EFNA5: variants seen among roughly 807,000 people sequenced by gnomAD.
EFNA5 encodes the protein ephrin-A5.
EFNA5 carries 5 observed loss-of-function variants against 22.9 expected under a neutral mutation model. The observed-to-expected ratio is 0.22, with a 90% CI of 0.11 to 0.46. The LOEUF is 0.46. EFNA5 is among the 20% of genes least tolerant of loss of function. The probability of loss-of-function intolerance (pLI) is 0.99; values close to 1 mark genes in which losing one functional copy is unlikely to be tolerated. For synonymous variants in EFNA5, 113 were observed against 112.2 expected, an observed-to-expected ratio of 1.01 and a Z score of -0.04; for missense variants, 237 against 293.3, an observed-to-expected ratio of 0.81 and a Z score of 1.40.
chr5:107,465,298 G>T (rs957557403), intron 1 of EFNA5, among the ~76,000 whole-genome samples: 1 of 152,092 alleles, frequency 6.6e-6, no homozygotes, highest in Non-Finnish European at 1.5e-5. Context: ...TAAAGATAAT[G>T]GGTGACGGTT....
intron 1 of EFNA5, among the ~76,000 whole-genome samples, chr5:107,669,644 G>A (rs1751145259): frequency 6.6e-6 from 1 of 152,136 alleles, no homozygotes; most frequent in African/African-American, 2.4e-5. Context: ...CCGCATACCC[G>A]GCGGGCTTCG....
At chr5:107,549,761 G>A (rs746276663) in intron 1 of EFNA5, among the ~76,000 whole-genome samples, 2 of 152,262 alleles carry the variant, frequency 1.3e-5, no homozygotes, top group Non-Finnish European at 2.9e-5. Flanking sequence ...GCAGTGGCCT[G>A]GGCCTTGTCC....
In EFNA5 at chr5:107,390,995, C is replaced by A. The variant is rs369822997; in HGVS notation, c.419-3224G>T. Among the ~76,000 whole-genome samples, 3 of 152,032 alleles carry A rather than the reference C, an allele frequency of 2.0e-5. No individual in the cohort carries two copies. In the East Asian group the frequency reaches 5.8e-4, roughly 30 times the overall value. ...CCAACTTGGCAAAACCCTGTCTCTA[C>A]GAAAAATGCAAAAATTAGCTGGGCA... On this transcript the variant is annotated intron_variant, in intron 2 of 4. Coordinates refer to ENST00000333274, the MANE Select transcript of EFNA5 (RefSeq NM_001962.3).
At chr5:107,568,660 C>CA (rs1327297519) in intron 1 of EFNA5, among the ~76,000 whole-genome samples, 1 of 152,158 alleles carries the variant, frequency 6.6e-6, no homozygotes, top group Non-Finnish European at 1.5e-5. Flanking sequence ...ACTTTCTAGA[C>CA]AGAGAACATA....
intron 1 of EFNA5, among the ~76,000 whole-genome samples, chr5:107,586,670 T>C (rs1162376149): frequency 6.6e-6 from 1 of 152,186 alleles, no homozygotes; most frequent in East Asian, 1.9e-4. Flanking sequence ...TATGGGAAAA[T>C]AGCTCCAATA....
At chr5:107,444,787 C>T (rs960701100) in intron 1 of EFNA5, among the ~76,000 whole-genome samples, 1 of 152,094 alleles carries the variant, frequency 6.6e-6, no homozygotes, top group Non-Finnish European at 1.5e-5. Flanking sequence ...GGCAAAAGGA[C>T]ACAGCCCTAG....
At chr5:107,607,358 G>A (rs954106626) in intron 1 of EFNA5, among the ~76,000 whole-genome samples, 2 of 152,180 alleles carry the variant, frequency 1.3e-5, no homozygotes, top group Non-Finnish European at 2.9e-5. Flanking sequence ...GCTAGAGAGG[G>A]CACTGCACAC....
At chr5:107,644,730 C>G (rs1026750103) in intron 1 of EFNA5, among the ~76,000 whole-genome samples, 1 of 152,122 alleles carries the variant, frequency 6.6e-6, no homozygotes, top group Non-Finnish European at 1.5e-5. Flanking sequence ...TTGAGACAGT[C>G]TTGCCCTGCC....
At chr5:107,585,755 A>G (rs770552537) in intron 1 of EFNA5, among the ~76,000 whole-genome samples, 19 of 152,258 alleles carry the variant, frequency 1.2e-4, no homozygotes, top group Admixed American at 6.5e-5. Context: ...TCTTTCCATG[A>G]GAGAAGTTGA....
intron 1 of EFNA5, among the ~76,000 whole-genome samples, chr5:107,638,710 T>C (rs10077695): frequency 0.37 from 55,958 of 152,000 alleles, 10,570 homozygotes; most frequent in South Asian, 0.53. Context: ...CTTGACCATC[T>C]GAGGACTTTG....
At chr5:107,592,620 G>A (rs1042466794) in intron 1 of EFNA5, among the ~76,000 whole-genome samples, 2 of 152,142 alleles carry the variant, frequency 1.3e-5, no homozygotes, top group Admixed American at 1.3e-4. Flanking sequence ...CAGGTTAGGG[G>A]AGCACCAGGC....
intron 1 of EFNA5, among the ~76,000 whole-genome samples, chr5:107,433,723 C>T (rs1749031296): frequency 6.6e-6 from 1 of 151,806 alleles, no homozygotes; most frequent in African/African-American, 2.4e-5. Flanking sequence ...AGTGAGACTC[C>T]ATCTCTATAA....
chr5:107,571,671 C>A (rs1457218687), intron 1 of EFNA5, among the ~76,000 whole-genome samples: 1 of 152,186 alleles, frequency 6.6e-6, no homozygotes, highest in East Asian at 1.9e-4. Context: ...CAATTGCCAG[C>A]CGTGGAATTT....
chr5:107,494,652 T>G (rs1348425704), intron 1 of EFNA5, among the ~76,000 whole-genome samples: 2 of 152,224 alleles, frequency 1.3e-5, no homozygotes, highest in South Asian at 2.1e-4. Context: ...TGAAGCCAGC[T>G]GGGCTCCTGA....
intron 1 of EFNA5, among the ~76,000 whole-genome samples, chr5:107,468,265 GAA>G (rs1750045497): frequency 6.6e-6 from 1 of 152,140 alleles, no homozygotes; most frequent in Non-Finnish European, 1.5e-5. Flanking sequence ...AAATAGGCAA[GAA>G]TCACATTGTC....
At chr5:107,575,846 A>G (rs763752818) in intron 1 of EFNA5, among the ~76,000 whole-genome samples, 4 of 152,220 alleles carry the variant, frequency 2.6e-5, no homozygotes, top group Non-Finnish European at 5.9e-5. Flanking sequence ...AGTTTCCAAA[A>G]TCATTTAGTT....
chr5:107,621,784 G>A (rs1750045511), intron 1 of EFNA5, among the ~76,000 whole-genome samples: 1 of 152,158 alleles, frequency 6.6e-6, no homozygotes, highest in African/African-American at 2.4e-5. Flanking sequence ...TTAAAAAGAG[G>A]AAGGAAAAGA....
At chr5:107,606,534 G>T (rs530348331) in intron 1 of EFNA5, among the ~76,000 whole-genome samples, 1 of 115,246 alleles carries the variant, frequency 8.7e-6, no homozygotes, top group African/African-American at 3.2e-5. Context: ...ACACTTGCAC[G>T]TACAACACAC....
intron 1 of EFNA5, among the ~76,000 whole-genome samples, chr5:107,460,599 G>A (rs189338534): frequency 1.7e-3 from 257 of 152,118 alleles, no homozygotes; most frequent in Middle Eastern, 6.8e-3. Flanking sequence ...AAATAAATTT[G>A]AGCAAACTAA....
Sources: gnomAD v4.1 joint callset for allele counts (sites outside exome capture counted in the v4.1 genomes callset) on GRCh38, gnomAD v4.1.1 for gene constraint, MANE v1.5 for transcripts, NCBI Gene and HGNC (gene_info 2026-07-23, HGNC 2026-07-21) for gene names.